The following POLK variants were observed in gnomAD, a reference collection of about 807,000 sequenced individuals.
The protein encoded by POLK is DNA polymerase kappa.
Under a neutral mutation model 94.0 loss-of-function variants are expected in POLK, and 76 were observed. The observed-to-expected ratio is 0.81, with a 90% CI of 0.67 to 0.98. The LOEUF (loss-of-function observed/expected upper bound fraction) is 0.98, where lower values mean the gene tolerates loss of function less well. Among genes scored for constraint, POLK ranks in the 50% least tolerant of loss-of-function variants. POLK has a pLI of 0.00. For missense variants in POLK, 954 were observed against 1,010.1 expected, an observed-to-expected ratio of 0.94 and a Z score of 0.75; for synonymous variants, 349 against 325.4, an observed-to-expected ratio of 1.07 and a Z score of -0.78.
chr5:75,534,252 C>T (rs955060893), intron 1 of POLK, among the ~76,000 whole-genome samples: 16 of 144,188 alleles, frequency 1.1e-4, no homozygotes, highest in East Asian at 8.0e-4. Flanking sequence ...GATGACAGAG[C>T]GAGACCCTGT....
chr5:75,601,475 T>A (rs745802925), downstream of POLK, among the ~76,000 whole-genome samples: 9 of 152,160 alleles, frequency 5.9e-5, no homozygotes, highest in Non-Finnish European at 8.8e-5. Context: ...CCAAAGAAGA[T>A]TAACATTTGA....
At chr5:75,571,445 C>G (rs1228664966) in intron 4 of POLK, among the ~76,000 whole-genome samples, 2 of 152,144 alleles carry the variant, frequency 1.3e-5, no homozygotes, top group Non-Finnish European at 2.9e-5. Context: ...AATTTATTTG[C>G]TCATGATTCT....
chr5:75,547,627 T>C (rs1770105851), intron 2 of POLK, among the ~76,000 whole-genome samples: 1 of 152,244 alleles, frequency 6.6e-6, no homozygotes, highest in Non-Finnish European at 1.5e-5. Flanking sequence ...AAGTAGGGAA[T>C]AACGTATTTT....
At chr5:75,550,700 A>G (rs1770295163) in intron 2 of POLK, among the ~76,000 whole-genome samples, 1 of 152,326 alleles carries the variant, frequency 6.6e-6, no homozygotes, top group Non-Finnish European at 1.5e-5. Context: ...TATTTGATAA[A>G]ATCCCACCAC....
chr5:75,573,694 T>G, intron 4 of POLK, 44 bp from the exon 5 acceptor site: 3 of 1,523,818 alleles, frequency 2.0e-6, no homozygotes, highest in Admixed American at 1.7e-5. Flanking sequence ...AATATGTCCA[T>G]TTAGGTTTGT....
chr5:75,535,751 A>G (rs576961623), intron 1 of POLK, among the ~76,000 whole-genome samples: 1 of 152,184 alleles, frequency 6.6e-6, no homozygotes, highest in Non-Finnish European at 1.5e-5. Context: ...TGCTGTTAAT[A>G]CTTGGGATTG....
At chr5:75,536,525 G>A (rs1459894410) in intron 1 of POLK, among the ~76,000 whole-genome samples, 7 of 152,068 alleles carry the variant, frequency 4.6e-5, no homozygotes, top group South Asian at 2.1e-4. Context: ...CTGTACCCCC[G>A]GCAAATTCAG....
intron 10 of POLK, among the ~76,000 whole-genome samples, chr5:75,588,533 C>T (rs1482585839): frequency 6.6e-6 from 1 of 152,210 alleles, no homozygotes; most frequent in African/African-American, 2.4e-5. Flanking sequence ...AAGATTCTAA[C>T]ATACTCTATT....
chr5:75,594,080 T>A, intron 12 of POLK, 31 bp downstream of exon 12: 1 of 1,478,838 alleles, frequency 6.8e-7, no homozygotes, highest in Non-Finnish European at 9.2e-7. Context: ...TGTTTTTCCT[T>A]AAATCTGCTA....
chr5:75,579,426 G>C (rs1561393846), intron 6 of POLK, among the ~76,000 whole-genome samples: 1 of 151,354 alleles, frequency 6.6e-6, no homozygotes, highest in African/African-American at 2.4e-5. Context: ...CTGGAGTACA[G>C]TGGCACAATC....
At chr5:75,517,143 T>C (rs758823372) in intron 1 of POLK, among the ~76,000 whole-genome samples, 3 of 152,192 alleles carry the variant, frequency 2.0e-5, no homozygotes, top group South Asian at 4.1e-4. Context: ...TTTGTGGTTC[T>C]ATATACGTTT....
chr5:75,565,907 G>A (rs930675936), intron 3 of POLK, among the ~76,000 whole-genome samples: 2 of 152,230 alleles, frequency 1.3e-5, no homozygotes, highest in South Asian at 4.1e-4. Context: ...TGGGCGATCC[G>A]CTGCTCTCTT....
At chr5:75,597,326 T>A in intron 13 of POLK, 148 bp downstream of exon 13, 1 of 594,520 alleles carries the variant, frequency 1.7e-6, no homozygotes. Context: ...TACATTGCCA[T>A]AGGTTAGAAT....
chr5:75,595,706 A>G (rs1159079414), intron 12 of POLK, among the ~76,000 whole-genome samples: 1 of 152,194 alleles, frequency 6.6e-6, no homozygotes, highest in African/African-American at 2.4e-5. Context: ...GGTGAACCCT[A>G]TGTAAGCTAT....
intron 1 of POLK, among the ~76,000 whole-genome samples, chr5:75,540,386 G>A (rs570347749): frequency 2.0e-5 from 3 of 151,622 alleles, no homozygotes; most frequent in South Asian, 2.1e-4. Context: ...GGCTGACTGC[G>A]GCTTCGAACT....
intron 1 of POLK, among the ~76,000 whole-genome samples, chr5:75,523,511 T>C (rs945698241): frequency 1.3e-5 from 2 of 152,236 alleles, no homozygotes; most frequent in Admixed American, 6.5e-5. Context: ...GAAATACCTG[T>C]AAACTCCAGA....
chr5:75,596,561 CCTGTCCTGT>C, exon 13 of POLK: 1 of 1,613,660 alleles, frequency 6.2e-7, no homozygotes, highest in Non-Finnish European at 8.5e-7. Context: ...CAGATACTTA[CCTGTCCTGT>C]TTGCTTTAGG....
At chr5:75,579,602 C>T (rs1429993614) in intron 6 of POLK, among the ~76,000 whole-genome samples, 6 of 151,812 alleles carry the variant, frequency 4.0e-5, no homozygotes, top group Admixed American at 2.0e-4. Flanking sequence ...AGGTGATCCT[C>T]CCACCTCAGC....
At chr5:75,556,717 T>C (rs1319252998) in intron 3 of POLK, among the ~76,000 whole-genome samples, 4 of 151,754 alleles carry the variant, frequency 2.6e-5, no homozygotes, top group Non-Finnish European at 5.9e-5. Flanking sequence ...TTTTTTCTTT[T>C]TTTTTTTTTT....
Sources: allele counts gnomAD v4.1 joint callset (sites outside exome capture counted in the v4.1 genomes callset), GRCh38; gene constraint gnomAD v4.1.1; transcripts MANE v1.5; gene names NCBI Gene and HGNC (gene_info 2026-07-23, HGNC 2026-07-21).